The following POLQ variants were observed in gnomAD, a reference collection of about 807,000 sequenced individuals.
POLQ encodes the protein epididymis secretory sperm binding protein.
In POLQ, 233 loss-of-function variants were observed where a neutral mutation model predicts 259.2. The ratio of observed to expected loss-of-function variants is 0.90; its 90% CI spans 0.81 to 1.00. POLQ has a LOEUF of 1.00. Among genes scored for constraint, POLQ ranks in the 50% least tolerant of loss-of-function variants. The pLI is 0.00. For synonymous variants in POLQ, 1,025 were observed against 1,048.8 expected, an observed-to-expected ratio of 0.98 and a Z score of 0.44; for missense variants, 2,871 against 3,051.6, an observed-to-expected ratio of 0.94 and a Z score of 1.39.
chr3:121,434,989 T>A (rs2108771819), intron 28 of POLQ, among the ~76,000 whole-genome samples: 1 of 152,118 alleles, frequency 6.6e-6, no homozygotes, highest in South Asian at 2.1e-4. Context: ...AAACCCCCTC[T>A]CTACTAAAAA....
rs750296801 is a variant in POLQ at position 121,488,772 on chromosome 3, T to A, written c.4159A>T (p.Ile1387Leu). The change falls in exon 16 of 30, where the codon ATA (isoleucine) becomes TTA (leucine). Residue 1387 changes from isoleucine to leucine, a missense_variant. Ile to Leu is a conservative substitution (Grantham distance 5). Coordinates refer to ENST00000264233, the MANE Select transcript of POLQ (RefSeq NM_199420.4). ...AEQHPLGATK[I>L]DHLDLKTVGT... is the part of the protein sequence containing the mutation. Reference sequence around the variant, plus strand: ...ACAGTCTTAAGGTCCAAATGATCTATCTTAGTCGCTCCTAGAGGGTGCTGT... The same window carrying A: ...ACAGTCTTAAGGTCCAAATGATCTAACTTAGTCGCTCCTAGAGGGTGCTGT... 6.2e-7 allele frequency: 1 copy of A among 1,614,022 alleles called. No individual in the cohort carries two copies. Among genetic ancestry groups the A allele is most frequent in the Non-Finnish European group, 8.5e-7 (1 of 1,179,940 alleles).
At chr3:121,491,910 G>T (rs997556176) in intron 15 of POLQ, among the ~76,000 whole-genome samples, 1 of 152,132 alleles carries the variant, frequency 6.6e-6, no homozygotes, top group African/African-American at 2.4e-5. Flanking sequence ...CCTCCTGTCA[G>T]ATCAGCTGCA....
chr3:121,465,002 G>A (rs1348936712), intron 24 of POLQ, among the ~76,000 whole-genome samples: 1 of 151,836 alleles, frequency 6.6e-6, no homozygotes, highest in Non-Finnish European at 1.5e-5. Flanking sequence ...AAAAAAAGAT[G>A]AACCAGCTTT....
rs2048241112 is a variant in POLQ at position 121,510,040 on chromosome 3, T to C, written c.1815A>G (p.Glu605=). 6.2e-7 allele frequency: 1 copy of C among 1,611,710 alleles called. No individual in the cohort carries two copies. The highest frequency in any genetic ancestry group is 1.1e-5 in the South Asian group (1 of 91,046). ...TTGCAACTGAGAAGTCACACTTACC[T>C]TCTGTTCCATCACTGGCTTCTGTAC... The part of the protein sequence containing the change: ...IQSTEASDGT[E]GKVYHPTHLG... The change falls in exon 11 of 30, where the codon GAA becomes GAG. Residue 605 remains glutamate, a splice_region_variant and synonymous_variant. Transcript: ENST00000264233.
At chr3:121,510,596 A>T (rs117572435) in intron 10 of POLQ, among the ~76,000 whole-genome samples, 1,669 of 152,148 alleles carry the variant, frequency 0.011, 10 homozygotes, top group Admixed American at 0.03. Flanking sequence ...ATTAAAAAAA[A>T]AAATAAATAA....
At chr3:121,529,851 T>C in intron 6 of POLQ, 59 bp from the exon 7 acceptor site, 1 of 1,319,376 alleles carries the variant, frequency 7.6e-7, no homozygotes, top group Non-Finnish European at 1.0e-6. Context: ...CTCACATCAG[T>C]TTAAAAGCAC....
At chr3:121,520,352 A>G (rs1378617068) in intron 8 of POLQ, among the ~76,000 whole-genome samples, 2 of 152,066 alleles carry the variant, frequency 1.3e-5, no homozygotes, top group African/African-American at 4.8e-5. Flanking sequence ...CCTGGCCAAC[A>G]TGGTGAAACC....
intron 14 of POLQ, among the ~76,000 whole-genome samples, chr3:121,495,735 G>T (rs942464478): frequency 6.6e-6 from 1 of 150,810 alleles, no homozygotes; most frequent in African/African-American, 2.4e-5. Flanking sequence ...TGTAGTCCCA[G>T]CTACTCGGGA....
chr3:121,496,342 AT>A (rs1465889693), intron 14 of POLQ, among the ~76,000 whole-genome samples: 1 of 151,770 alleles, frequency 6.6e-6, no homozygotes, highest in Admixed American at 6.6e-5. Context: ...CACCTGGCTA[AT>A]TTTTTGTATT....
chr3:121,467,723 T>C (rs2047850393), intron 23 of POLQ, 83 bp from the exon 24 acceptor site: 10 of 1,385,126 alleles, frequency 7.2e-6, no homozygotes, highest in Non-Finnish European at 9.0e-6. Context: ...AACATCAGTA[T>C]TTCCGTCTAA....
At chr3:121,525,826 T>C (rs1161545449) in intron 7 of POLQ, among the ~76,000 whole-genome samples, 1 of 152,236 alleles carries the variant, frequency 6.6e-6, no homozygotes, top group Non-Finnish European at 1.5e-5. Context: ...TGTTAATTCC[T>C]CTGGTGTGGT....
At chr3:121,533,333 C>G (rs1560108736) in intron 5 of POLQ, 124 bp from the exon 6 acceptor site, 1 of 503,022 alleles carries the variant, frequency 2.0e-6, no homozygotes, top group Non-Finnish European at 3.4e-6. Flanking sequence ...AGGATATATA[C>G]CTAAGAATAA....
chr3:121,453,707 G>C (rs1212237673), intron 25 of POLQ, among the ~76,000 whole-genome samples: 3 of 152,110 alleles, frequency 2.0e-5, no homozygotes, highest in African/African-American at 7.2e-5. Context: ...AACGACCAAA[G>C]CCTCCAAGAA....
chr3:121,488,819 C>T lies in POLQ; in HGVS notation c.4112G>A (p.Cys1371Tyr), dbSNP rs770188282. Residue 1371 changes from cysteine to tyrosine, a missense_variant, in exon 16 of 30, where the codon TGT (cysteine) becomes TAT (tyrosine). This residue lies in a region of POLQ where 2,080 missense variants were observed against 2,126.0 expected (regional missense o/e 0.98). Transcript: ENST00000264233. ...QNSMNSFQKE[C>Y]HIPFPAEQHP... is the part of the protein sequence containing the mutation. Reference sequence around the variant, plus strand: ...CTGTTCAGCAGGAAAAGGAATGTGACACTCCTTCTGAAAAGAGTTCATTGA... The same window carrying T: ...CTGTTCAGCAGGAAAAGGAATGTGATACTCCTTCTGAAAAGAGTTCATTGA... The T allele has an allele frequency of 3.1e-6, 5 of 1,613,762 alleles. No homozygotes were observed. In the Admixed American group the frequency reaches 5.0e-5, roughly 16 times the overall value.
At chr3:121,508,643 C>G (rs1043197210) in intron 12 of POLQ, among the ~76,000 whole-genome samples, 9 of 152,170 alleles carry the variant, frequency 5.9e-5, no homozygotes, top group African/African-American at 1.9e-4. Flanking sequence ...GGGCACAGAC[C>G]TTTGAGCCTA....
In POLQ at chr3:121,518,025, G is replaced by A. The variant is rs1021013096; in HGVS notation, c.1468+1846C>T. Reference sequence around the variant, plus strand: ...TAGTCATGTTCTATAAAGCTGCCACGAACACAGAATACTGAACCCTTGCTG... The same window carrying A: ...TAGTCATGTTCTATAAAGCTGCCACAAACACAGAATACTGAACCCTTGCTG... On this transcript the variant is annotated intron_variant, in intron 9 of 29. Transcript: ENST00000264233. Among the ~76,000 whole-genome samples the A allele has an allele frequency of 7.2e-5, 11 of 152,262 alleles. No homozygotes were observed. The East Asian group carries it at 1.2e-3, about 16-fold the overall frequency.
intron 6 of POLQ, among the ~76,000 whole-genome samples, chr3:121,530,793 T>C (rs902506633): frequency 2.0e-5 from 3 of 152,212 alleles, no homozygotes; most frequent in Non-Finnish European, 4.4e-5. Context: ...TTGTCAAATA[T>C]TGTTCTAGGT....
chr3:121,432,445 A>T, intron 29 of POLQ, 28 bp from the exon 30 acceptor site: 1 of 1,595,948 alleles, frequency 6.3e-7, no homozygotes, highest in Non-Finnish European at 8.5e-7. Context: ...GTAGTTAACA[A>T]ACTGCCCAGT....
intron 24 of POLQ, among the ~76,000 whole-genome samples, chr3:121,461,377 G>A (rs535423906): frequency 1.3e-5 from 2 of 152,248 alleles, no homozygotes; most frequent in African/African-American, 4.8e-5. Context: ...TTACAGCCAG[G>A]CACAGTGTCT....
Sources: gnomAD v4.1 joint callset for allele counts (sites outside exome capture counted in the v4.1 genomes callset) on GRCh38, gnomAD v4.1.1 for gene constraint, gnomAD v4.1.1 regional missense constraint, MANE v1.5 for transcripts, NCBI Gene and HGNC (gene_info 2026-07-23, HGNC 2026-07-21) for gene names.